The following RUNDC3B variants were observed in gnomAD, a reference collection of about 807,000 sequenced individuals.
RUNDC3B encodes the protein RUN domain containing 3B, also known as RUN domain-containing protein 3B.
In RUNDC3B, 33 loss-of-function variants were observed where a neutral mutation model predicts 58.4. The observed-to-expected ratio is 0.56, with a 90% confidence interval of 0.43 to 0.75. The LOEUF is 0.75. RUNDC3B is among the 30% of genes least tolerant of loss of function. The pLI, the probability that RUNDC3B is intolerant of heterozygous loss-of-function variation, is 0.00. For missense variants in RUNDC3B, 501 were observed against 535.7 expected (o/e 0.94, Z 0.64); for synonymous variants, 193 against 195.2 (o/e 0.99, Z 0.10).
At chr7:87,758,364 C>G (rs1165782177) in intron 6 of RUNDC3B, among the ~76,000 whole-genome samples, 1 of 151,914 alleles carries the variant, frequency 6.6e-6, no homozygotes, top group Non-Finnish European at 1.5e-5. Context: ...AAACCGAACA[C>G]CTGGAACTCT....
intron 4 of RUNDC3B, among the ~76,000 whole-genome samples, chr7:87,712,764 C>A (rs1007192179): frequency 6.6e-6 from 1 of 151,996 alleles, no homozygotes; most frequent in African/African-American, 2.4e-5. Flanking sequence ...TGTAACCATA[C>A]ATAAACATAC....
At chr7:87,757,150 C>T (rs1187198152) in intron 6 of RUNDC3B, among the ~76,000 whole-genome samples, 1 of 152,084 alleles carries the variant, frequency 6.6e-6, no homozygotes, top group Non-Finnish European at 1.5e-5. Context: ...TCACAACCCC[C>T]CACGAGCTCC....
chr7:87,830,265 T>TA lies in RUNDC3B; in HGVS notation c.*235_*236insA. 9.2e-5 allele frequency: 28 copies of TA among 305,894 alleles called. No homozygotes were observed. The highest frequency in any genetic ancestry group is 9.3e-4 in the Middle Eastern group (1 of 1,074). The allele number at this position is 305,894 out of a possible 1,614,324, so 18.9% of individuals were successfully genotyped here. On this transcript the variant is annotated 3_prime_UTR_variant, in exon 11 of 11. Transcript: ENST00000394654. Reference sequence around the variant, plus strand: ...GAGAAAGTTCAAAATGGAATAGGCTTTAAAAAAAAAAAAACTTTCAAAGAT... The same window carrying TA: ...GAGAAAGTTCAAAATGGAATAGGCTTATAAAAAAAAAAAAACTTTCAAAGAT...
At chr7:87,817,882 A>G (rs1164839797) in intron 10 of RUNDC3B, among the ~76,000 whole-genome samples, 2 of 152,232 alleles carry the variant, frequency 1.3e-5, no homozygotes, top group African/African-American at 4.8e-5. Flanking sequence ...TTATTGATCA[A>G]GTAACCATAT....
At chr7:87,816,005 T>C (rs1837008883) in intron 9 of RUNDC3B, 136 bp from the exon 10 acceptor site, 1 of 630,458 alleles carries the variant, frequency 1.6e-6, no homozygotes, top group Admixed American at 3.0e-5. Context: ...GCCAAGAATA[T>C]GAAGCAAAAT....
chr7:87,715,239 T>C (rs962583971), intron 4 of RUNDC3B, among the ~76,000 whole-genome samples: 8 of 133,602 alleles, frequency 6.0e-5, no homozygotes, highest in Non-Finnish European at 1.1e-4. Flanking sequence ...AAGGACTTTA[T>C]ATATATAATT....
Position 87,676,777 on chromosome 7 carries a change from C to T in RUNDC3B, c.239-23644C>T, listed in dbSNP as rs953602100. ...CATTACCTGGATCACAACTCCTTGC[C>T]TTATCTTAAAATCACTCATATTCCC... On this transcript the variant is annotated intron_variant, in intron 2 of 10. Coordinates refer to ENST00000394654, the MANE Select transcript of RUNDC3B (RefSeq NM_001134405.2). Among the ~76,000 whole-genome samples, 16 of 151,160 alleles carry T rather than the reference C, an allele frequency of 1.1e-4. No homozygotes were observed. In the East Asian group the frequency reaches 1.5e-3, roughly 15 times the overall value.
chr7:87,742,896 G>A (rs1201699119), intron 6 of RUNDC3B, among the ~76,000 whole-genome samples: 2 of 151,982 alleles, frequency 1.3e-5, no homozygotes, highest in Non-Finnish European at 2.9e-5. Flanking sequence ...GGCGGATCAC[G>A]AGGTCAGGAG....
intron 9 of RUNDC3B, among the ~76,000 whole-genome samples, chr7:87,814,650 T>C (rs1836932107): frequency 6.6e-6 from 1 of 152,196 alleles, no homozygotes; most frequent in South Asian, 2.1e-4. Flanking sequence ...GTAAGTGCTA[T>C]ATAAATGTTA....
At chr7:87,819,568 A>G (rs1837293058) in intron 10 of RUNDC3B, among the ~76,000 whole-genome samples, 1 of 152,106 alleles carries the variant, frequency 6.6e-6, no homozygotes, top group Admixed American at 6.6e-5. Context: ...CTCCACCCCA[A>G]ATCAACAGAA....
At chr7:87,741,668 C>T in intron 6 of RUNDC3B, 89 bp downstream of exon 6, 1 of 688,048 alleles carries the variant, frequency 1.5e-6, no homozygotes. Context: ...CTACTTTGTA[C>T]TAAATATTCG....
chr7:87,674,593 G>A (rs886519382), intron 2 of RUNDC3B, among the ~76,000 whole-genome samples: 16 of 152,128 alleles, frequency 1.1e-4, no homozygotes, highest in African/African-American at 2.9e-4. Flanking sequence ...CAGTAAAGTA[G>A]GTGAGGCAAG....
At chr7:87,819,645 C>T (rs1242221165) in intron 10 of RUNDC3B, among the ~76,000 whole-genome samples, 2 of 152,266 alleles carry the variant, frequency 1.3e-5, no homozygotes, top group Middle Eastern at 6.8e-3. Flanking sequence ...AAGTAAAGCA[C>T]TCCTCAGCAA....
At position 87,807,401 on chromosome 7, in the gene RUNDC3B, T is replaced by C; in HGVS notation, c.985T>C (p.Ser329Pro). ...TGTGCTAAAGAATAATGATTTAAGA[T>C]CGAGACAAGAGTTAACTGCCCATCT... Reference protein sequence around the residue: ...LTVLKNNDLRSRQELTAHLTN... With the variant: ...LTVLKNNDLRPRQELTAHLTN... The change falls in exon 9 of 11, where the codon TCG becomes CCG. Residue 329 changes from serine to proline, a missense_variant. Physicochemically the swap from Ser to Pro is moderately conservative, Grantham distance 74. Transcript: ENST00000394654. 7 of 1,613,800 alleles carry C rather than the reference T, an allele frequency of 4.3e-6. No individual in the cohort carries two copies. Among genetic ancestry groups the C allele is most frequent in the Non-Finnish European group, 5.9e-6 (7 of 1,179,744 alleles).
At chr7:87,755,571 C>T (rs990838598) in intron 6 of RUNDC3B, among the ~76,000 whole-genome samples, 11 of 151,832 alleles carry the variant, frequency 7.2e-5, no homozygotes, top group Non-Finnish European at 5.9e-5. Context: ...GTTCAACATA[C>T]GTAATCAATA....
intron 2 of RUNDC3B, among the ~76,000 whole-genome samples, chr7:87,665,204 A>G (rs1825105253): frequency 6.6e-6 from 1 of 152,188 alleles, no homozygotes; most frequent in Admixed American, 6.6e-5. Flanking sequence ...AAGAACCTAA[A>G]TACCAAAAAA....
intron 8 of RUNDC3B, among the ~76,000 whole-genome samples, chr7:87,779,049 G>C (rs1834798999): frequency 6.6e-6 from 1 of 152,002 alleles, no homozygotes; most frequent in South Asian, 2.1e-4. Context: ...AACCACTTGA[G>C]AGGTTGCATA....
At chr7:87,649,167 G>A (rs1823324233) in intron 1 of RUNDC3B, among the ~76,000 whole-genome samples, 1 of 152,106 alleles carries the variant, frequency 6.6e-6, no homozygotes. Context: ...GTTGTTTGAG[G>A]TGACAGGACT....
intron 7 of RUNDC3B, among the ~76,000 whole-genome samples, chr7:87,777,417 T>C (rs1834695610): frequency 6.6e-6 from 1 of 152,234 alleles, no homozygotes; most frequent in Non-Finnish European, 1.5e-5. Flanking sequence ...AACATATTAA[T>C]GCTAAAATGT....
Sources: allele counts gnomAD v4.1 joint callset (sites outside exome capture counted in the v4.1 genomes callset), GRCh38; gene constraint gnomAD v4.1.1; transcripts MANE v1.5; gene names NCBI Gene and HGNC (gene_info 2026-07-23, HGNC 2026-07-21).